The following C3 variants were observed in gnomAD, a reference collection of about 807,000 sequenced individuals.
The protein encoded by C3 is C3 and PZP-like alpha-2-macroglobulin domain-containing protein 1.
A neutral mutation model predicts 207.9 loss-of-function variants in C3; 97 were observed. The observed-to-expected ratio is 0.47, with a 90% CI of 0.40 to 0.55. The LOEUF (loss-of-function observed/expected upper bound fraction) is 0.55. Among genes scored for constraint, C3 ranks in the 20% least tolerant of loss-of-function variants. C3 has a pLI of 0.00. For missense variants in C3, 1,684 were observed against 2,171.7 expected (o/e 0.78, Z 4.46); for synonymous variants, 848 against 857.6 (o/e 0.99, Z 0.20).
chr19:6,695,069 A>C (rs1967503137), intron 23 of C3, among the ~76,000 whole-genome samples: 1 of 151,950 alleles, frequency 6.6e-6, no homozygotes, highest in Non-Finnish European at 1.5e-5. Flanking sequence ...TCAGGAGTTC[A>C]AGACCAGCCT....
chr19:6,692,015 C>CACAT (rs1388506299), intron 26 of C3, among the ~76,000 whole-genome samples: 1 of 151,526 alleles, frequency 6.6e-6, no homozygotes, highest in African/African-American at 2.4e-5. Flanking sequence ...CACACACACA[C>CACAT]ACACACACAC....
intron 11 of C3, among the ~76,000 whole-genome samples, chr19:6,711,416 C>T (rs1259219061): frequency 6.6e-6 from 1 of 152,002 alleles, no homozygotes; most frequent in Non-Finnish European, 1.5e-5. Context: ...AAAGGAGAGA[C>T]AGAGACAGAG....
chr19:6,682,213 C>T lies in C3; in HGVS notation c.4189G>A (p.Asp1397Asn). Residue 1397 changes from aspartate to asparagine, a missense_variant, in exon 34 of 41, where the codon GAT becomes AAT. Physicochemically the swap from Asp to Asn is conservative, Grantham distance 23. Coordinates refer to ENST00000245907, the MANE Select transcript of C3 (RefSeq NM_000064.4). ...ATGTCCAATATAGACATAGTGGCAT[C>T]CTGGTCTCCCCGGTACCTGGATAGT... ...EICTRYRGDQ[D>N]ATMSILDISM... The T allele has an allele frequency of 1.2e-6, 2 of 1,613,864 alleles. No individual in the cohort carries two copies. Among genetic ancestry groups the T allele is most frequent in the Non-Finnish European group, 1.7e-6 (2 of 1,179,730 alleles).
Position 6,690,738 on chromosome 19 carries a change from G to C in C3, c.3391-11C>G. The C allele has an allele frequency of 1.2e-6, 2 of 1,610,332 alleles. No individual in the cohort carries two copies. The highest frequency in any genetic ancestry group is 1.7e-5 in the Admixed American group (1 of 60,014). On this transcript the variant is annotated splice_polypyrimidine_tract_variant and intron_variant, in intron 26 of 40. Transcript: ENST00000245907. Reference sequence around the variant, plus strand: ...GTTCCGTAATCCACCCTGAGATAGAGAGCAGAAAGCAAGGATGGGGTCACC... The same window carrying C: ...GTTCCGTAATCCACCCTGAGATAGACAGCAGAAAGCAAGGATGGGGTCACC...
chr19:6,710,596 T>TAGGGAG (rs750727397), intron 13 of C3, 43 bp downstream of exon 13: 4 of 1,321,428 alleles, frequency 3.0e-6, no homozygotes, highest in African/African-American at 1.8e-5. Context: ...GAGAGAGGAG[T>TAGGGAG]AGGGAGAGGG....
At position 6,679,552 on chromosome 19, in the gene C3, T is replaced by C. The variant is rs2277983; in HGVS notation, c.4457-56A>G. 0.51 allele frequency: 615,603 copies of C among 1,206,942 alleles called. 158,674 individuals carry two copies. The highest frequency in any genetic ancestry group is 0.59 in the South Asian group (49,181 of 82,746). The allele number at this position is 1,206,942 out of a possible 1,614,324, so 74.8% of individuals were successfully genotyped here. ...GATAAGGGCCTCCCTCCAAAGACCA[T>C]GCCTGGGAGGCCCAGATCCCCAGTT... On this transcript the variant is annotated intron_variant, in intron 36 of 40. Coordinates refer to ENST00000245907, the MANE Select transcript of C3 (RefSeq NM_000064.4).
intron 19 of C3, among the ~76,000 whole-genome samples, chr19:6,698,442 C>T (rs956716536): frequency 1.2e-4 from 18 of 152,250 alleles, no homozygotes; most frequent in African/African-American, 3.9e-4. Context: ...TGTGGGGGAG[C>T]GCTGAGCACT....
chr19:6,710,099 CAG>C (rs1967875131), intron 13 of C3, among the ~76,000 whole-genome samples: 1 of 81,190 alleles, frequency 1.2e-5, no homozygotes, highest in African/African-American at 5.0e-5. Context: ...GACGGAGAGA[CAG>C]AGAGAGGGAG....
Position 6,678,199 on chromosome 19 carries a change from G to A in C3, c.4803C>T (p.His1601=), listed in dbSNP as rs762332809. The change falls in exon 40 of 41, where the codon CAC becomes CAT. Residue 1601 remains histidine (H), a synonymous_variant. Coordinates refer to ENST00000245907, the MANE Select transcript of C3 (RefSeq NM_000064.4). Reference sequence around the variant, plus strand: ...CGGAGGAGAGACCCCACATGAGGTAGTGTTTCTTCTCCTCCAGCTTCAGGG... The same window carrying A: ...CGGAGGAGAGACCCCACATGAGGTAATGTTTCTTCTCCTCCAGCTTCAGGG... ...REALKLEEKK[H]YLMWGLSSDF... The A allele has an allele frequency of 1.3e-5, 21 of 1,614,140 alleles. No individual in the cohort carries two copies. In the Admixed American group the frequency reaches 3.2e-4, roughly 24 times the overall value.
chr19:6,710,217 G>GGAGAGAGAAGGAGAGAAAGA (rs1967881758), intron 13 of C3, among the ~76,000 whole-genome samples: 1 of 99,340 alleles, frequency 1.0e-5, no homozygotes, highest in Admixed American at 9.7e-5. Context: ...AGAGAAAGAG[G>GGAGAGAGAAGGAGAGAAAGA]GAGAGAGAAG....
At chr19:6,709,611 T>TGGCCCCCCCCCCCCC in intron 14 of C3, 73 bp downstream of exon 14, 2 of 1,109,442 alleles carry the variant, frequency 1.8e-6, no homozygotes, top group Non-Finnish European at 1.4e-6. Flanking sequence ...CCCTCTCCAG[T>TGGCCCCCCCCCCCCC]CCCACCCACC....
intron 19 of C3, among the ~76,000 whole-genome samples, chr19:6,700,785 A>G (rs1967657622): frequency 7.4e-6 from 1 of 134,768 alleles, no homozygotes; most frequent in Non-Finnish European, 1.5e-5. Context: ...TATGAAATAT[A>G]TTATGTAATA....
At chr19:6,712,741 C>T (rs1967946287) in intron 9 of C3, 118 bp from the exon 10 acceptor site, 2 of 853,230 alleles carry the variant, frequency 2.3e-6, no homozygotes, top group Non-Finnish European at 4.0e-6. Flanking sequence ...AGTCCACTTT[C>T]ATACTGGGCC....
In C3 at chr19:6,700,225, TTA is replaced by T. The variant is rs537066347; in HGVS notation, c.2440+1900_2440+1901del. On this transcript the variant is annotated intron_variant, in intron 19 of 40. Transcript: ENST00000245907. ...GTAATATGTATATATTACATATATA[TTA>T]TATATGTAATATACAATATATAATA... Among the ~76,000 whole-genome samples the T allele has an allele frequency of 3.0e-3, 319 of 105,296 alleles. 1 individual carries two copies. Among genetic ancestry groups the T allele is most frequent in the African/African-American group, 9.9e-3 (298 of 30,022 alleles). 69.1% of individuals were successfully genotyped at this position (105,296 alleles called of 152,430 possible).
At position 6,685,972 on chromosome 19, in the gene C3, G is replaced by C. The variant is rs2241392; in HGVS notation, c.3810+152C>G. On this transcript the variant is annotated intron_variant, in intron 29 of 40. Transcript: ENST00000245907. ...CTAGAACCTATAGATGGGTTTGCAAGTAATAAAAACTGATTCTCAACTCCA... is the reference window on the plus strand; with the variant it reads ...CTAGAACCTATAGATGGGTTTGCAACTAATAAAAACTGATTCTCAACTCCA... The C allele has an allele frequency of 0.4, 324,374 of 810,368 alleles. 68,706 individuals carry two copies. Among genetic ancestry groups the C allele is most frequent in the East Asian group, 0.74 (29,941 of 40,564 alleles). The allele number at this position is 810,368 out of a possible 1,614,324, so 50.2% of individuals were successfully genotyped here. A position where few individuals can be genotyped will look rare whatever the true frequency, so the allele number is the denominator to read the frequency against.
intron 28 of C3, chr19:6,686,488 T>TA (rs1319486844): frequency 1.4e-6 from 1 of 708,690 alleles, no homozygotes; most frequent in Non-Finnish European, 2.5e-6. Context: ...AATGAATGCT[T>TA]AATACGCATT....
At chr19:6,717,916 G>A (rs570267293) in intron 4 of C3, 178 bp downstream of exon 4, 6 of 703,750 alleles carry the variant, frequency 8.5e-6, no homozygotes, top group African/African-American at 1.7e-5. Context: ...TGTGCTGTGT[G>A]TGTGCATGTT....
chr19:6,711,228 G>A, intron 11 of C3, 32 bp from the exon 12 acceptor site: 3 of 1,575,032 alleles, frequency 1.9e-6, no homozygotes, highest in Non-Finnish European at 1.7e-6. Context: ...CCTGCTGGTC[G>A]CCGCCCGAGG....
intron 27 of C3, among the ~76,000 whole-genome samples, chr19:6,689,374 T>TCTCTCTCTCTCTC (rs1555684229): frequency 4.3e-5 from 5 of 116,378 alleles, no homozygotes; most frequent in African/African-American, 1.6e-4. Flanking sequence ...TCTCTCTCTC[T>TCTCTCTCTCTCTC]CTCTCTCTCT....
Sources: gnomAD v4.1 joint callset for allele counts (sites outside exome capture counted in the v4.1 genomes callset) on GRCh38, gnomAD v4.1.1 for gene constraint, MANE v1.5 for transcripts, NCBI Gene and HGNC (gene_info 2026-07-23, HGNC 2026-07-21) for gene names.